The following PCDHGA8 variants were observed in gnomAD, a reference collection of about 807,000 sequenced individuals.
PCDHGA8 encodes protocadherin gamma-A8.
PCDHGA8 carries 45 observed loss-of-function variants against 59.2 expected under a neutral mutation model. The observed-to-expected ratio is 0.76, with a 90% confidence interval of 0.60 to 0.98. The LOEUF (loss-of-function observed/expected upper bound fraction) is 0.98, where lower values mean the gene tolerates loss of function less well. PCDHGA8 is among the 50% of genes least tolerant of loss of function. PCDHGA8 has a pLI of 0.00. For synonymous variants in PCDHGA8, 531 were observed against 519.0 expected, an observed-to-expected ratio of 1.02 and a Z score of -0.32; for missense variants, 1,257 against 1,196.2, an observed-to-expected ratio of 1.05 and a Z score of -0.75.
chr5:141,418,969 A>C, intron 1 of PCDHGA8: 1 of 1,614,028 alleles, frequency 6.2e-7, no homozygotes, highest in Non-Finnish European at 8.5e-7. Flanking sequence ...CCCTCTTCAA[A>C]ACACGGGACC....
chr5:141,483,538 G>C (rs571240759), intron 1 of PCDHGA8, among the ~76,000 whole-genome samples: 1 of 152,230 alleles, frequency 6.6e-6, no homozygotes, highest in African/African-American at 2.4e-5. Flanking sequence ...AAGCTGGGTG[G>C]TTGACAGTGC....
intron 1 of PCDHGA8, among the ~76,000 whole-genome samples, chr5:141,443,609 T>C (rs2098396115): frequency 1.3e-5 from 2 of 152,260 alleles, no homozygotes; most frequent in African/African-American, 4.8e-5. Flanking sequence ...GAAATGTTCT[T>C]ATAATCAGGT....
chr5:141,417,678 A>G (rs1306009640), intron 1 of PCDHGA8: 4 of 997,368 alleles, frequency 4.0e-6, no homozygotes, highest in Non-Finnish European at 5.7e-6. Flanking sequence ...GCAGCCAACA[A>G]CAGAAAAGAA....
At chr5:141,478,090 C>T in intron 1 of PCDHGA8, 2 of 1,614,108 alleles carry the variant, frequency 1.2e-6, no homozygotes, top group Non-Finnish European at 1.7e-6. Flanking sequence ...CGCTCTCCAC[C>T]ACTGCTACCC....
Position 141,395,542 on chromosome 5 carries a change from TTGTGTGTGTGTG to T in PCDHGA8, c.2424+343_2424+354del, listed in dbSNP as rs55729045. ...TCCATACTGGTAATTTTGCTATTGT[TTGTGTGTGTGTG>T]TGTGTGTGTGTGTGTGTGTGTGTGT... is the stretch of plus-strand genomic sequence containing the variant. On this transcript the variant is annotated intron_variant, in intron 1 of 3. Coordinates refer to ENST00000398604, the MANE Select transcript of PCDHGA8 (RefSeq NM_032088.2). 188 of 172,586 alleles carry T rather than the reference TTGTGTGTGTGTG, an allele frequency of 1.1e-3. 1 individual carries two copies. Among genetic ancestry groups the T allele is most frequent in the African/African-American group, 5.0e-3 (88 of 17,544 alleles). 10.7% of individuals were successfully genotyped at this position (172,586 alleles called of 1,614,324 possible).
chr5:141,438,625 TATATATATATACACAC>T (rs1232816129), intron 1 of PCDHGA8, among the ~76,000 whole-genome samples: 1,472 of 46,190 alleles, frequency 0.032, 16 homozygotes, highest in African/African-American at 0.13. Context: ...TATATATATA[TATATATATATACACAC>T]ACACACACAC....
intron 1 of PCDHGA8, chr5:141,426,612 G>A (rs2096947310): frequency 2.6e-6 from 1 of 384,602 alleles, no homozygotes; most frequent in Non-Finnish European, 5.3e-6. Flanking sequence ...GATTGTAGCA[G>A]AGAATCCTCT....
chr5:141,423,297 C>G lies in PCDHGA8; in HGVS notation c.2424+28060C>G, dbSNP rs1322889810. 3 of 1,614,170 alleles carry G rather than the reference C, an allele frequency of 1.9e-6. 1 individual carries two copies. The South Asian group carries it at 3.3e-5, about 18-fold the overall frequency. The stretch of plus-strand genomic sequence containing the variant: ...TGGCTAACTCTGAAACCTCAGACCT[C>G]TCGCTGTACTTGGTGGTGGCGGTGG... On this transcript the variant is annotated intron_variant, in intron 1 of 3. Transcript: ENST00000398604.
chr5:141,429,913 T>C (rs1013990672), intron 1 of PCDHGA8, among the ~76,000 whole-genome samples: 29 of 152,238 alleles, frequency 1.9e-4, no homozygotes, highest in African/African-American at 7.0e-4. Context: ...TGAAATATAA[T>C]GTATTAATAG....
At chr5:141,442,837 A>C (rs2098346617) in intron 1 of PCDHGA8, among the ~76,000 whole-genome samples, 1 of 152,202 alleles carries the variant, frequency 6.6e-6, no homozygotes, top group South Asian at 2.1e-4. Flanking sequence ...GGGAGGGACA[A>C]ATCTTGGCCA....
chr5:141,395,096 C>T lies in PCDHGA8; in HGVS notation c.2283C>T (p.Ala761=), dbSNP rs769366827. 2.5e-6 allele frequency: 4 copies of T among 1,614,068 alleles called. No individual in the cohort carries two copies. Among genetic ancestry groups the T allele is most frequent in the African/African-American group, 2.7e-5 (2 of 74,914 alleles). ...QTYSQEVSLT[A]DSRKSHLIFP... ...ATTCCCAGGAAGTCTCCCTCACCGC[C>T]GACTCGCGGAAGAGTCACCTGATCT... is the stretch of plus-strand genomic sequence containing the variant. Residue 761 remains alanine (A), a synonymous_variant, in exon 1 of 4, where the codon GCC becomes GCT. Transcript: ENST00000398604.
At chr5:141,488,872 T>C (rs773185475) in intron 1 of PCDHGA8, among the ~76,000 whole-genome samples, 4 of 151,794 alleles carry the variant, frequency 2.6e-5, no homozygotes, top group Non-Finnish European at 5.9e-5. Flanking sequence ...AGTGGGGAGG[T>C]AGGAAGCTTC....
In PCDHGA8 at chr5:141,494,748, C is replaced by T. The variant is rs566281527; in HGVS notation, c.2425-59C>T. On this transcript the variant is annotated intron_variant, in intron 1 of 3. Coordinates refer to ENST00000398604, the MANE Select transcript of PCDHGA8 (RefSeq NM_032088.2). ...CTCTCCCGGCCCATCCCTAGGGGCTCGGGTGACATTCTAACTTCTCACGGG... is the reference window on the plus strand; with the variant it reads ...CTCTCCCGGCCCATCCCTAGGGGCTTGGGTGACATTCTAACTTCTCACGGG... 1.4e-5 allele frequency: 22 copies of T among 1,613,104 alleles called. No individual in the cohort carries two copies. The East Asian group carries it at 4.2e-4, about 31-fold the overall frequency.
chr5:141,485,070 G>T lies in PCDHGA8; in HGVS notation c.2425-9737G>T. ...CGCCGGCCGAACCGCGCCAGAGCTG[G>T]CGCGGGGAAAGGGAGATAGGTGTCT... On this transcript the variant is annotated intron_variant, in intron 1 of 3. Coordinates refer to ENST00000398604, the MANE Select transcript of PCDHGA8 (RefSeq NM_032088.2). This position sits in a 1 kb window ranked among gnomAD's most constrained non-coding sequence, Gnocchi z 5.7. 1.1e-6 allele frequency: 1 copy of T among 908,406 alleles called. No individual in the cohort carries two copies. Among genetic ancestry groups the T allele is most frequent in the East Asian group, 2.4e-5 (1 of 41,326 alleles). 56.3% of individuals were successfully genotyped at this position (908,406 alleles called of 1,614,324 possible).
At chr5:141,427,825 C>T (rs1342117815) in intron 1 of PCDHGA8, 2 of 1,536,464 alleles carry the variant, frequency 1.3e-6, no homozygotes, top group Non-Finnish European at 1.8e-6. Flanking sequence ...GTGGTGGTCG[C>T]GCAGCGTGCC....
chr5:141,418,759 C>T (rs527475797), intron 1 of PCDHGA8: 17 of 1,613,898 alleles, frequency 1.1e-5, no homozygotes, highest in Non-Finnish European at 1.4e-5. Flanking sequence ...CTACAGGAAA[C>T]ATTCTAACTC....
intron 1 of PCDHGA8, among the ~76,000 whole-genome samples, chr5:141,436,292 G>T (rs2097808605): frequency 6.6e-6 from 1 of 152,158 alleles, no homozygotes; most frequent in Non-Finnish European, 1.5e-5. Context: ...ACAAATCATT[G>T]AGAGTTAGAG....
chr5:141,408,211 G>A (rs1285774248), intron 1 of PCDHGA8: 1 of 1,554,426 alleles, frequency 6.4e-7, no homozygotes, highest in South Asian at 1.2e-5. Flanking sequence ...CGATGGGAGG[G>A]AGCTGCGCGC....
chr5:141,433,234 C>T (rs773942024), intron 1 of PCDHGA8: 3 of 1,512,746 alleles, frequency 2.0e-6, no homozygotes, highest in Middle Eastern at 1.8e-4. Flanking sequence ...TGCTCTGTCT[C>T]CCAAGCTGGA....
Sources: allele counts gnomAD v4.1 joint callset (sites outside exome capture counted in the v4.1 genomes callset), GRCh38; gene constraint gnomAD v4.1.1; non-coding constraint Gnocchi (gnomAD v3.1); transcripts MANE v1.5; gene names NCBI Gene and HGNC (gene_info 2026-07-23, HGNC 2026-07-21).